The following ZMYND8 variants were observed in gnomAD, a reference collection of about 807,000 sequenced individuals.
ZMYND8 encodes the protein MYND-type zinc finger-containing chromatin reader ZMYND8.
In ZMYND8, 37 loss-of-function variants were observed where a neutral mutation model predicts 140.8. The ratio of observed to expected loss-of-function variants is 0.26; its 90% CI spans 0.20 to 0.35. The LOEUF (loss-of-function observed/expected upper bound fraction) is 0.35, where lower values mean the gene tolerates loss of function less well. Among genes scored for constraint, ZMYND8 ranks in the 10% least tolerant of loss-of-function variants. The pLI, the probability that ZMYND8 is intolerant of heterozygous loss-of-function variation, is 1.00. For synonymous variants in ZMYND8, 592 were observed against 597.1 expected (o/e 0.99, Z 0.12); for missense variants, 1,068 against 1,570.0 (o/e 0.68, Z 5.40).
At chr20:47,221,585 C>G in intron 19 of ZMYND8, 111 bp from the exon 20 acceptor site, 3 of 1,352,052 alleles carry the variant, frequency 2.2e-6, no homozygotes, top group Non-Finnish European at 2.9e-6. Flanking sequence ...CAGCCCTACC[C>G]AGGGCATAAA....
At position 47,246,271 on chromosome 20, in the gene ZMYND8, G is replaced by C; in HGVS notation, c.2021C>G (p.Ala674Gly). ...TGCTCCAGGGTCTGCCTTCTCGCTG[G>C]CTGGTGACGTGCTTTTCAGCTCCTC... ...IKEELKSTSP[A>G]SEKADPGAVK... is the part of the protein sequence containing the mutation. Residue 674 changes from alanine to glycine, a missense_variant, in exon 14 of 23, where the codon GCC becomes GGC. By Grantham distance (60) the Ala-to-Gly change is moderately conservative. Transcript: ENST00000471951. 6.2e-7 allele frequency: 1 copy of C among 1,614,170 alleles called. No individual in the cohort carries two copies. Among genetic ancestry groups the C allele is most frequent in the Non-Finnish European group, 8.5e-7 (1 of 1,180,032 alleles).
At chr20:47,223,407 G>GAGGCAGGAGAATCAGTGGA (rs1206196783) in intron 19 of ZMYND8, among the ~76,000 whole-genome samples, 1 of 152,138 alleles carries the variant, frequency 6.6e-6, no homozygotes, top group African/African-American at 2.4e-5. Context: ...TTGGGAGGCT[G>GAGGCAGGAGAATCAGTGGA]AGGCAGGAGA....
chr20:47,216,107 A>G (rs1007820664), intron 21 of ZMYND8, among the ~76,000 whole-genome samples: 3 of 152,158 alleles, frequency 2.0e-5, no homozygotes, highest in Admixed American at 6.5e-5. Context: ...TGACGCAGGG[A>G]GAGATGCAGG....
intron 19 of ZMYND8, among the ~76,000 whole-genome samples, chr20:47,222,266 C>T (rs1033542123): frequency 4.6e-5 from 7 of 152,182 alleles, no homozygotes; most frequent in African/African-American, 1.7e-4. Context: ...CCGGGTGCGG[C>T]GGCTCATGCC....
intron 2 of ZMYND8, among the ~76,000 whole-genome samples, chr20:47,335,796 C>G (rs1261946013): frequency 6.6e-6 from 1 of 152,166 alleles, no homozygotes; most frequent in African/African-American, 2.4e-5. Flanking sequence ...AACAGATGCA[C>G]AGTAGAGACG....
chr20:47,256,844 C>T (rs957073757), intron 12 of ZMYND8, among the ~76,000 whole-genome samples: 1 of 152,130 alleles, frequency 6.6e-6, no homozygotes, highest in Non-Finnish European at 1.5e-5. Context: ...CAGAAAGTCT[C>T]GGGGTGTGAC....
In ZMYND8 at chr20:47,246,383, T is replaced by G. The variant is rs1443751558; in HGVS notation, c.1909A>C (p.Thr637Pro). 6.2e-7 allele frequency: 1 copy of G among 1,613,980 alleles called. No homozygotes were observed. The highest frequency in any genetic ancestry group is 8.5e-7 in the Non-Finnish European group (1 of 1,180,010). Reference sequence around the variant, plus strand: ...ATCTGACAACCTTCTTTGTCCTCTGTGTCTTCTGGCTCGTTCTTAGACTTC... The same window carrying G: ...ATCTGACAACCTTCTTTGTCCTCTGGGTCTTCTGGCTCGTTCTTAGACTTC... Reference protein sequence around the residue: ...EQKSKNEPEDTEDKEGCQMDK... With the variant: ...EQKSKNEPEDPEDKEGCQMDK... The change falls in exon 14 of 23, where the codon ACA becomes CCA. Residue 637 changes from threonine (T) to proline (P), a missense_variant. By Grantham distance (38) the Thr-to-Pro change is conservative. This residue lies in a region of ZMYND8 where 383 missense variants were observed against 431.2 expected (regional missense o/e 0.89). Coordinates refer to ENST00000471951, the MANE Select transcript of ZMYND8 (RefSeq NM_001281775.3).
Position 47,344,445 on chromosome 20 carries a change from A to C in ZMYND8, c.85+3411T>G, listed in dbSNP as rs148443679. ...TCCCAATTGACAGGACAATCTACAA[A>C]ATACCCGACCAGTATTCCTGAAAAC... is the stretch of plus-strand genomic sequence containing the variant. On this transcript the variant is annotated intron_variant, in intron 2 of 22. Transcript: ENST00000471951. Among the ~76,000 whole-genome samples the C allele has an allele frequency of 5.4e-3, 828 of 152,324 alleles. 4 individuals carry two copies. Among genetic ancestry groups the C allele is most frequent in the Non-Finnish European group, 8.2e-3 (561 of 68,026 alleles).
chr20:47,221,244 A>G, intron 20 of ZMYND8, 70 bp downstream of exon 20: 1 of 1,576,992 alleles, frequency 6.3e-7, no homozygotes, highest in Non-Finnish European at 8.6e-7. Flanking sequence ...AGGGCGGCAG[A>G]CAGGGGGTCC....
intron 2 of ZMYND8, among the ~76,000 whole-genome samples, chr20:47,323,383 C>A (rs1243612908): frequency 6.6e-6 from 1 of 152,080 alleles, no homozygotes; most frequent in Non-Finnish European, 1.5e-5. Context: ...GCTAACACCA[C>A]GGTGTGCAAT....
At chr20:47,312,347 A>G (rs1349590004) in intron 2 of ZMYND8, among the ~76,000 whole-genome samples, 4 of 152,182 alleles carry the variant, frequency 2.6e-5, no homozygotes, top group African/African-American at 7.2e-5. Context: ...ACAGGATGGA[A>G]CTCTCCAGCC....
chr20:47,313,508 G>T (rs1299564895), intron 2 of ZMYND8, among the ~76,000 whole-genome samples: 2 of 152,044 alleles, frequency 1.3e-5, no homozygotes, highest in Non-Finnish European at 2.9e-5. Flanking sequence ...TGTAGTCCCA[G>T]CTACTCGGGA....
intron 2 of ZMYND8, among the ~76,000 whole-genome samples, chr20:47,346,184 C>T (rs1295944113): frequency 2.6e-5 from 4 of 152,110 alleles, no homozygotes; most frequent in Admixed American, 6.5e-5. Flanking sequence ...CTGGCCCCCT[C>T]TCTTCAGTCC....
intron 3 of ZMYND8, among the ~76,000 whole-genome samples, chr20:47,300,924 G>A (rs74177372): frequency 1.5e-5 from 2 of 132,344 alleles, no homozygotes; most frequent in Admixed American, 7.5e-5. Context: ...GTGTGTGTGT[G>A]TGTGTGTGTG....
intron 11 of ZMYND8, among the ~76,000 whole-genome samples, chr20:47,268,305 T>C (rs1370853404): frequency 9.5e-4 from 141 of 148,392 alleles, no homozygotes; most frequent in Non-Finnish European, 1.9e-3. Context: ...TTTTTTTTTT[T>C]TTTTTCAGAA....
chr20:47,339,661 A>G (rs890785555), intron 2 of ZMYND8, among the ~76,000 whole-genome samples: 7 of 151,856 alleles, frequency 4.6e-5, no homozygotes, highest in African/African-American at 1.5e-4. Flanking sequence ...TATTTTTAGT[A>G]GAGACGGGGT....
intron 16 of ZMYND8, among the ~76,000 whole-genome samples, chr20:47,232,887 GTTTTTTTTT>G (rs1568934526): frequency 1.2e-3 from 124 of 103,654 alleles, no homozygotes; most frequent in African/African-American, 6.5e-3. Flanking sequence ...CCTCCCCCAT[GTTTTTTTTT>G]GTTTTTTTTG....
At chr20:47,262,963 G>C (rs1160190255) in intron 11 of ZMYND8, among the ~76,000 whole-genome samples, 1 of 152,194 alleles carries the variant, frequency 6.6e-6, no homozygotes, top group Non-Finnish European at 1.5e-5. Flanking sequence ...GTACCAGATG[G>C]AGTGAGGGAG....
chr20:47,283,702 G>A, intron 8 of ZMYND8, 54 bp from the exon 9 acceptor site: 1 of 1,541,980 alleles, frequency 6.5e-7, no homozygotes, highest in East Asian at 2.3e-5. Context: ...ATATCTTGTG[G>A]ACCTCAATCA....
Sources: allele counts gnomAD v4.1 joint callset (sites outside exome capture counted in the v4.1 genomes callset), GRCh38; gene constraint gnomAD v4.1.1; regional missense constraint gnomAD v4.1.1; transcripts MANE v1.5; gene names NCBI Gene and HGNC (gene_info 2026-07-23, HGNC 2026-07-21).